Variants in CARD8 observed in about 807,000 individuals in gnomAD.
CARD8 encodes caspase recruitment domain family member 8, also known as caspase recruitment domain-containing protein 8.
Under a neutral mutation model 53.2 loss-of-function variants are expected in CARD8, and 38 were observed. The ratio of observed to expected loss-of-function variants is 0.71; its 90% CI spans 0.55 to 0.94. The LOEUF is 0.94. Ranked by LOEUF, CARD8 falls within the 40% of genes least tolerant of loss-of-function variation. The probability of loss-of-function intolerance (pLI) is 0.00; values close to 1 mark genes in which losing one functional copy is unlikely to be tolerated. For missense variants in CARD8, 561 were observed against 655.5 expected, an observed-to-expected ratio of 0.86 and a Z score of 1.57; for synonymous variants, 245 against 244.9, an observed-to-expected ratio of 1.00 and a Z score of 0.00.
intron 10 of CARD8, among the ~76,000 whole-genome samples, chr19:48,228,212 G>A (rs547063462): frequency 6.6e-6 from 1 of 152,182 alleles, no homozygotes; most frequent in African/African-American, 2.4e-5. Context: ...GGCTCCCACT[G>A]ATTTTACATT....
intron 10 of CARD8, among the ~76,000 whole-genome samples, chr19:48,224,756 CTTTTT>C (rs10533384): frequency 3.7e-5 from 5 of 135,228 alleles, no homozygotes; most frequent in Admixed American, 7.5e-5. Flanking sequence ...TCACCTTGTG[CTTTTT>C]TTTTTTTTTT....
rs933143378 is a variant in CARD8, at chr19:48,210,355, A to G, written c.*1355T>C. 2.0e-5 allele frequency: 3 copies of G among 152,202 alleles called. No homozygotes were observed. The highest frequency in any genetic ancestry group is 7.2e-5 in the African/African-American group (3 of 41,474). 9.4% of individuals were successfully genotyped at this position (152,202 alleles called of 1,614,324 possible). ...CTAAAAGAACTAAAAAACGTCTATCAGAGGAAGTGGAAATTTGCAGAACGA... is the reference window on the plus strand; with the variant it reads ...CTAAAAGAACTAAAAAACGTCTATCGGAGGAAGTGGAAATTTGCAGAACGA... On this transcript the variant is annotated 3_prime_UTR_variant, in exon 14 of 14. Transcript: ENST00000651546.
In CARD8 at chr19:48,216,845, C is replaced by T. The variant is rs116244773; in HGVS notation, c.1304-1461G>A. On this transcript the variant is annotated intron_variant, in intron 12 of 13. Transcript: ENST00000651546. ...GGATGGTCTCAGGATGATTCAAGTG[C>T]AATACATTTATTGTGCACCTAAGTT... 9.4e-3 allele frequency among the ~76,000 whole-genome samples: 1,431 copies of T among 152,212 alleles called. 24 individuals are homozygous for T. The highest frequency in any genetic ancestry group is 0.033 in the African/African-American group (1,350 of 41,536).
At chr19:48,228,063 G>A (rs552179227) in intron 10 of CARD8, among the ~76,000 whole-genome samples, 30 of 152,268 alleles carry the variant, frequency 2.0e-4, no homozygotes, top group East Asian at 5.8e-4. Flanking sequence ...ATTCTCATAC[G>A]AGCGTGAACC....
Position 48,231,018 on chromosome 19 carries a change from C to T in CARD8, c.543-12G>A, listed in dbSNP as rs1401972052. 2 of 1,605,732 alleles carry T rather than the reference C, an allele frequency of 1.2e-6. No homozygotes were observed. Among genetic ancestry groups the T allele is most frequent in the South Asian group, 2.2e-5 (2 of 90,846 alleles). On this transcript the variant is annotated splice_polypyrimidine_tract_variant and intron_variant, in intron 8 of 13. Transcript: ENST00000651546. ...TGGGGAACCAAACGCTGAAAGGAGCCAGAGTGATGTCATGACGGGAGAACC... is the reference window on the plus strand; with the variant it reads ...TGGGGAACCAAACGCTGAAAGGAGCTAGAGTGATGTCATGACGGGAGAACC...
intron 13 of CARD8, among the ~76,000 whole-genome samples, chr19:48,214,966 T>C (rs1447535649): frequency 6.6e-6 from 1 of 151,618 alleles, no homozygotes; most frequent in Non-Finnish European, 1.5e-5. Context: ...TTTTTTGTAT[T>C]TAAGTAGAGA....
At chr19:48,205,781 G>A (rs1340279031), downstream of CARD8, among the ~76,000 whole-genome samples, 4 of 152,168 alleles carry the variant, frequency 2.6e-5, no homozygotes, top group Non-Finnish European at 4.4e-5. Context: ...TGTAACCTCC[G>A]TCTGGGAAAT....
chr19:48,246,933 G>A (rs1349911806), intron 3 of CARD8, among the ~76,000 whole-genome samples: 1 of 152,208 alleles, frequency 6.6e-6, no homozygotes, highest in Admixed American at 6.5e-5. Context: ...ATTTGGAATG[G>A]TAAATCAATT....
rs147349334 is a variant in CARD8, at chr19:48,218,631, G to A, written c.1303+240C>T. ...GGCCTCCCAAAGTTCTGGGTTTACAGGCATGAGGCACCGTATCTGGCCTTT... is the reference window on the plus strand; with the variant it reads ...GGCCTCCCAAAGTTCTGGGTTTACAAGCATGAGGCACCGTATCTGGCCTTT... On this transcript the variant is annotated intron_variant, in intron 12 of 13. Coordinates refer to ENST00000651546, the MANE Select transcript of CARD8 (RefSeq NM_001184900.3). 3.4e-3 allele frequency among the ~76,000 whole-genome samples: 519 copies of A among 152,218 alleles called. 3 individuals are homozygous for A. The highest frequency in any genetic ancestry group is 0.012 in the African/African-American group (479 of 41,532).
In CARD8 at chr19:48,231,712, G is replaced by A; in HGVS notation, c.490C>T (p.Pro164Ser). The change falls in exon 8 of 14, where the codon CCT (proline) becomes TCT (serine). Residue 164 changes from proline (P) to serine (S), a missense_variant. Pro to Ser is a moderately conservative substitution (Grantham distance 74). Transcript: ENST00000651546. ...AACTCAACATCCACATTTCCTTCAGGCCCCAGAAACTGACGATTTTTATAA... is the reference window on the plus strand; with the variant it reads ...AACTCAACATCCACATTTCCTTCAGACCCCAGAAACTGACGATTTTTATAA... ...EDYKNRQFLG[P>S]EGNVDVELID... The A allele has an allele frequency of 6.2e-7, 1 of 1,612,718 alleles. No individual in the cohort carries two copies. The highest frequency in any genetic ancestry group is 1.1e-5 in the South Asian group (1 of 90,950).
rs1358225989 is a variant in CARD8 at position 48,230,530 on chromosome 19, T to C, written c.943A>G (p.Ile315Val). The C allele has an allele frequency of 3.7e-6, 6 of 1,613,936 alleles. No individual in the cohort carries two copies. Among genetic ancestry groups the C allele is most frequent in the Admixed American group, 3.3e-5 (2 of 59,996 alleles). The change falls in exon 10 of 14, where the codon ATC becomes GTC. Residue 315 changes from isoleucine (I) to valine (V), a missense_variant. Transcript: ENST00000651546. ...IASGTRLSIP[I>V]TSNTLIYYHP... ...TAATAGATCAATGTGTTGGAAGTGA[T>C]GGGGATGGAGAGGCGAGTCCCACTG...
chr19:48,250,227 C>T (rs1227175952), intron 1 of CARD8, among the ~76,000 whole-genome samples: 2 of 152,066 alleles, frequency 1.3e-5, no homozygotes, highest in African/African-American at 4.8e-5. Flanking sequence ...TGTATATATT[C>T]AGGAAGATAA....
In CARD8 at chr19:48,252,808, T is replaced by TATACAC. The variant is rs113740488; in HGVS notation, c.-251-2962_-251-2961insGTGTAT. ...CCACCGCACTGGCCTTATCAGTATA[T>TATACAC]ACACACACACACACACACACACACA... On this transcript the variant is annotated intron_variant, in intron 1 of 13. Coordinates refer to ENST00000651546, the MANE Select transcript of CARD8 (RefSeq NM_001184900.3). 9.9e-3 allele frequency among the ~76,000 whole-genome samples: 1,465 copies of TATACAC among 148,280 alleles called. 17 individuals are homozygous for TATACAC. Among genetic ancestry groups the TATACAC allele is most frequent in the African/African-American group, 0.024 (948 of 40,202 alleles).
intron 10 of CARD8, among the ~76,000 whole-genome samples, chr19:48,224,036 AC>A (rs1447716180): frequency 1.3e-5 from 2 of 152,132 alleles, no homozygotes; most frequent in Non-Finnish European, 2.9e-5. Flanking sequence ...ATCTCAGCTC[AC>A]TGCAACCTCT....
Position 48,238,548 on chromosome 19 carries a change from T to C in CARD8, c.60-16A>G, listed in dbSNP as rs535243300. 298 of 1,535,980 alleles carry C rather than the reference T, an allele frequency of 1.9e-4. 3 individuals are homozygous for C. Among genetic ancestry groups the C allele is most frequent in the Admixed American group, 3.3e-4 (17 of 50,922 alleles). Reference sequence around the variant, plus strand: ...TCCACTGTCCCTGGGAAAACACAAATGGAATTGGAATGTGAGCATGTCAGA... The same window carrying C: ...TCCACTGTCCCTGGGAAAACACAAACGGAATTGGAATGTGAGCATGTCAGA... On this transcript the variant is annotated splice_polypyrimidine_tract_variant and intron_variant, in intron 4 of 13. Coordinates refer to ENST00000651546, the MANE Select transcript of CARD8 (RefSeq NM_001184900.3).
At chr19:48,213,392 T>C (rs1477353895) in intron 13 of CARD8, among the ~76,000 whole-genome samples, 2 of 152,140 alleles carry the variant, frequency 1.3e-5, no homozygotes, top group African/African-American at 4.8e-5. Context: ...TTATTTATTT[T>C]GAGACAAAGT....
Position 48,221,853 on chromosome 19 carries a change from C to T in CARD8, c.1038G>A (p.Ala346=), listed in dbSNP as rs747806231. ...LVPSDALLTK[A]IDDEEDRFHG... ...GGAAGCGATCTTCCTCATCATCTAT[C>T]GCCTAAGGAAGAAGGGGCAGAAACA... The change falls in exon 11 of 14, where the codon GCG becomes GCA. Residue 346 remains alanine (A), a splice_region_variant and synonymous_variant. Coordinates refer to ENST00000651546, the MANE Select transcript of CARD8 (RefSeq NM_001184900.3). 2.5e-5 allele frequency: 40 copies of T among 1,589,526 alleles called. No homozygotes were observed. Among genetic ancestry groups the T allele is most frequent in the Non-Finnish European group, 3.0e-5 (35 of 1,165,574 alleles).
rs1223875734 is a variant in CARD8, at chr19:48,208,465, CAAAT to C, written c.*3241_*3244del. On this transcript the variant is annotated 3_prime_UTR_variant, in exon 14 of 14. Transcript: ENST00000651546. The stretch of plus-strand genomic sequence containing the variant: ...ATTAAGACCTCAGTTCACAGAAAGC[CAAAT>C]AAATAATAAACATCTTCTGTTGGAT... 6.6e-6 allele frequency: 1 copy of C among 152,124 alleles called. No homozygotes were observed. Among genetic ancestry groups the C allele is most frequent in the Middle Eastern group, 3.2e-3 (1 of 316 alleles). The allele number at this position is 152,124 out of a possible 1,614,324, so 9.4% of individuals were successfully genotyped here. A position where few individuals can be genotyped will look rare whatever the true frequency, so the allele number is the denominator to read the frequency against.
intron 10 of CARD8, among the ~76,000 whole-genome samples, chr19:48,228,425 G>A (rs144966265): frequency 3.3e-5 from 5 of 152,200 alleles, no homozygotes; most frequent in Admixed American, 1.3e-4. Flanking sequence ...AAGGAAGAGC[G>A]TGGTCAGTGG....
Sources: allele counts gnomAD v4.1 joint callset (sites outside exome capture counted in the v4.1 genomes callset), GRCh38; gene constraint gnomAD v4.1.1; transcripts MANE v1.5; gene names NCBI Gene and HGNC (gene_info 2026-07-23, HGNC 2026-07-21).